LRRK1: variants seen among roughly 807,000 people sequenced by gnomAD.
LRRK1 encodes the protein leucine rich repeat kinase 1.
In LRRK1, 113 loss-of-function variants were observed where a neutral mutation model predicts 209.1. The ratio of observed to expected loss-of-function variants is 0.54; its 90% CI spans 0.46 to 0.63. The LOEUF is 0.63. Among genes scored for constraint, LRRK1 ranks in the 30% least tolerant of loss-of-function variants. The pLI is 0.00. For missense variants in LRRK1, 2,284 were observed against 2,632.2 expected (o/e 0.87, Z 2.89); for synonymous variants, 1,144 against 1,099.7 (o/e 1.04, Z -0.80).
Position 101,024,280 on chromosome 15 carries a change from C to T in LRRK1, c.2068-523C>T, listed in dbSNP as rs1349544172. Among the ~76,000 whole-genome samples the T allele has an allele frequency of 6.6e-6, 1 of 152,200 alleles. No homozygotes were observed. On this transcript the variant is annotated intron_variant, in intron 15 of 33. Coordinates refer to ENST00000388948, the MANE Select transcript of LRRK1 (RefSeq NM_024652.6). The surrounding 1 kb of genome is among the most constrained non-coding windows in gnomAD (Gnocchi z 4.6). The stretch of plus-strand genomic sequence containing the variant: ...TCCAGGGCCAGACTCTTACCTCATG[C>T]AATGATAGAGAAACCACCGTTTACA...
chr15:101,015,857 T>C (rs1246078860), intron 12 of LRRK1, among the ~76,000 whole-genome samples: 1 of 152,170 alleles, frequency 6.6e-6, no homozygotes, highest in Non-Finnish European at 1.5e-5. Flanking sequence ...TTTCTCACAG[T>C]TCTGGAAGCT....
chr15:100,951,958 AAAAAAAAAT>A (rs1196964856), intron 2 of LRRK1, among the ~76,000 whole-genome samples: 1 of 131,920 alleles, frequency 7.6e-6, no homozygotes, highest in African/African-American at 2.7e-5. Context: ...CATCTCAGAA[AAAAAAAAAT>A]AATAATAATA....
rs529748172 is a variant in LRRK1, at chr15:100,924,275, A to G, written c.-122-236A>G. Among the ~76,000 whole-genome samples, 25 of 152,084 alleles carry G rather than the reference A, an allele frequency of 1.6e-4. No individual in the cohort carries two copies. In the East Asian group the frequency reaches 3.3e-3, roughly 20 times the overall value. The stretch of plus-strand genomic sequence containing the variant: ...AGCTGTTACCAGTATGTGTTTTCCA[A>G]TTGTCTGGGGTTTGTTTGAGACTCT... On this transcript the variant is annotated intron_variant, in intron 1 of 33. Transcript: ENST00000388948.
Position 101,065,399 on chromosome 15 carries a change from G to C in LRRK1, c.4962G>C (p.Val1654=), listed in dbSNP as rs780236912. The part of the protein sequence containing the change: ...LAGLADGLVA[V]FPVVRGTPKD... ...GCCTCGCCGATGGGCTTGTGGCTGT[G>C]TTTCCCGTGGTGCGGGGCACCCCAA... is the stretch of plus-strand genomic sequence containing the variant. The change falls in exon 32 of 34, where the codon GTG becomes GTC. Residue 1654 remains valine (V), a synonymous_variant. Coordinates refer to ENST00000388948, the MANE Select transcript of LRRK1 (RefSeq NM_024652.6). 1.9e-6 allele frequency: 3 copies of C among 1,614,096 alleles called. No homozygotes were observed. In the South Asian group the frequency reaches 3.3e-5, roughly 18 times the overall value.
chr15:100,960,936 C>T (rs1372673346), intron 2 of LRRK1, among the ~76,000 whole-genome samples: 3 of 152,172 alleles, frequency 2.0e-5, no homozygotes, highest in Non-Finnish European at 2.9e-5. Context: ...TGTTTTCGTT[C>T]CCACATTTCT....
In LRRK1 at chr15:100,994,680, C is replaced by T. The variant is rs76429921; in HGVS notation, c.762+5282C>T. Among the ~76,000 whole-genome samples, 982 of 152,282 alleles carry T rather than the reference C, an allele frequency of 6.4e-3. 10 individuals are homozygous for T. Among genetic ancestry groups the T allele is most frequent in the African/African-American group, 0.022 (907 of 41,540 alleles). On this transcript the variant is annotated intron_variant, in intron 6 of 33. Coordinates refer to ENST00000388948, the MANE Select transcript of LRRK1 (RefSeq NM_024652.6). ...ATCAGAAGAGGAAATGAAATTTCAG[C>T]GCAACCTGAGTCTCAAGGGCTCCTT... is the stretch of plus-strand genomic sequence containing the variant.
chr15:101,014,593 G>A (rs562280450), intron 11 of LRRK1, among the ~76,000 whole-genome samples, 165 bp downstream of exon 11: 1 of 152,340 alleles, frequency 6.6e-6, no homozygotes, highest in South Asian at 2.1e-4. Flanking sequence ...GCTGAAGTCC[G>A]AGGTGAGGGT....
chr15:101,076,469 CCATTTCCCCA>C lies in LRRK1; in HGVS notation c.*7629_*7638del, dbSNP rs1254776231. 6.6e-6 allele frequency: 1 copy of C among 152,002 alleles called. No individual in the cohort carries two copies. Among genetic ancestry groups the C allele is most frequent in the African/African-American group, 2.4e-5 (1 of 41,274 alleles). The allele number at this position is 152,002 out of a possible 1,614,324, so 9.4% of individuals were successfully genotyped here. The stretch of plus-strand genomic sequence containing the variant: ...CTCTCTGATCCACCTGACGTTCACC[CCATTTCCCCA>C]CATTTCCTTCTTCCCTGCTTCTCAC... On this transcript the variant is annotated 3_prime_UTR_variant, in exon 34 of 34. Transcript: ENST00000388948.
chr15:101,023,481 G>A (rs1301125012), intron 15 of LRRK1, among the ~76,000 whole-genome samples: 1 of 152,198 alleles, frequency 6.6e-6, no homozygotes, highest in African/African-American at 2.4e-5. Context: ...TAGAGCAGGG[G>A]CAGTTAGCCC....
rs559037479 is a variant in LRRK1, at chr15:101,029,195, G to T, written c.2926G>T (p.Ala976Ser). The T allele has an allele frequency of 3.1e-6, 5 of 1,613,370 alleles. No individual in the cohort carries two copies. The South Asian group carries it at 5.5e-5, about 18-fold the overall frequency. ...GGAAGAGCAGTACTTCCAGTTCCTG[G>T]CCAAGTTTGAGATCGCCCTGCCCGT... is the stretch of plus-strand genomic sequence containing the variant. ...QTEEQYFQFL[A>S]KFEIALPVAN... Residue 976 changes from alanine (A) to serine (S), a missense_variant, in exon 20 of 34, where the codon GCC becomes TCC. Transcript: ENST00000388948.
intron 6 of LRRK1, among the ~76,000 whole-genome samples, chr15:100,992,824 A>G (rs968142769): frequency 1.3e-5 from 2 of 152,166 alleles, no homozygotes; most frequent in African/African-American, 4.8e-5. Context: ...GTGCAACACC[A>G]CACCAAGCTG....
At chr15:100,961,602 G>A (rs1370702695) in intron 2 of LRRK1, among the ~76,000 whole-genome samples, 5 of 150,858 alleles carry the variant, frequency 3.3e-5, no homozygotes, top group South Asian at 2.1e-4. Flanking sequence ...GCAGTTAGCC[G>A]AGATCGCGCC....
intron 2 of LRRK1, among the ~76,000 whole-genome samples, chr15:100,926,841 C>T (rs557868247): frequency 1.6e-4 from 24 of 152,044 alleles, no homozygotes; most frequent in African/African-American, 3.1e-4. Flanking sequence ...TGCGCCACCA[C>T]GCCCAGCTAA....
At chr15:101,031,752 T>C (rs1360401333) in intron 20 of LRRK1, among the ~76,000 whole-genome samples, 1 of 149,916 alleles carries the variant, frequency 6.7e-6, no homozygotes, top group Non-Finnish European at 1.5e-5. Context: ...TTTTTTTTTT[T>C]GAGATGGAGT....
rs1012334517 is a variant in LRRK1 at position 101,073,861 on chromosome 15, C to G, written c.*5013C>G. ...GCCTATGTTCTCAAAAACTTAAAAC[C>G]TCTTCAACTCACACCTGACCTAAAA... On this transcript the variant is annotated 3_prime_UTR_variant, in exon 34 of 34. Coordinates refer to ENST00000388948, the MANE Select transcript of LRRK1 (RefSeq NM_024652.6). 1.3e-5 allele frequency: 2 copies of G among 152,110 alleles called. No individual in the cohort carries two copies. Among genetic ancestry groups the G allele is most frequent in the Non-Finnish European group, 2.9e-5 (2 of 68,038 alleles). 9.4% of individuals were successfully genotyped at this position (152,110 alleles called of 1,614,324 possible).
At chr15:100,948,290 G>C (rs1298381044) in intron 2 of LRRK1, among the ~76,000 whole-genome samples, 1 of 152,300 alleles carries the variant, frequency 6.6e-6, no homozygotes, top group South Asian at 2.1e-4. Context: ...GGTGCACTTG[G>C]ACTTCCTTAG....
At chr15:101,057,702 G>A (rs2035890294) in intron 28 of LRRK1, among the ~76,000 whole-genome samples, 1 of 152,122 alleles carries the variant, frequency 6.6e-6, no homozygotes, top group South Asian at 2.1e-4. Context: ...TCCAGCTTGG[G>A]CAATATAGTG....
chr15:100,954,032 C>G (rs772784649), intron 2 of LRRK1, among the ~76,000 whole-genome samples: 1 of 152,164 alleles, frequency 6.6e-6, no homozygotes, highest in Non-Finnish European at 1.5e-5. Context: ...TCTTCTGCCT[C>G]AGCCTCACCA....
chr15:100,946,504 T>C (rs926284442), intron 2 of LRRK1, among the ~76,000 whole-genome samples: 1 of 152,150 alleles, frequency 6.6e-6, no homozygotes, highest in Non-Finnish European at 1.5e-5. Context: ...CAGGAAAGGT[T>C]TATTTGGGAA....
Sources: gnomAD v4.1 joint callset for allele counts (sites outside exome capture counted in the v4.1 genomes callset) on GRCh38, gnomAD v4.1.1 for gene constraint, Gnocchi (gnomAD v3.1) non-coding constraint, MANE v1.5 for transcripts, NCBI Gene and HGNC (gene_info 2026-07-23, HGNC 2026-07-21) for gene names.